The following PTPRG variants were observed in gnomAD, a reference collection of about 807,000 sequenced individuals.
PTPRG encodes receptor-type tyrosine-protein phosphatase gamma.
In PTPRG, 102 loss-of-function variants were observed where a neutral mutation model predicts 165.3. That is an observed-to-expected ratio of 0.62 (90% confidence interval 0.53 to 0.73). PTPRG has a LOEUF of 0.73. Among genes scored for constraint, PTPRG ranks in the 30% least tolerant of loss-of-function variants. PTPRG has a pLI of 0.00. For missense variants in PTPRG, 1,866 were observed against 1,861.4 expected (o/e 1.00, Z -0.05); for synonymous variants, 675 against 669.5 (o/e 1.01, Z -0.13).
chr3:61,706,373 T>C (rs557247868), intron 1 of PTPRG, among the ~76,000 whole-genome samples: 11 of 151,692 alleles, frequency 7.3e-5, no homozygotes, highest in East Asian at 1.9e-4. Context: ...TAAAGGAAGC[T>C]GTATTTTTTT....
chr3:61,705,232 G>A (rs941193916), intron 1 of PTPRG, among the ~76,000 whole-genome samples: 4 of 152,200 alleles, frequency 2.6e-5, no homozygotes, highest in African/African-American at 4.8e-5. Context: ...AGATGCCTGC[G>A]CTGGGTGTGA....
intron 2 of PTPRG, among the ~76,000 whole-genome samples, chr3:61,848,869 A>T (rs1270654491): frequency 6.6e-6 from 1 of 152,236 alleles, no homozygotes; most frequent in Non-Finnish European, 1.5e-5. Flanking sequence ...AATCTCATAA[A>T]GAGGCAGGTA....
intron 2 of PTPRG, among the ~76,000 whole-genome samples, chr3:61,790,990 C>T (rs2034852580): frequency 1.3e-5 from 2 of 152,084 alleles, no homozygotes; most frequent in African/African-American, 2.4e-5. Flanking sequence ...CAGTCAGCAC[C>T]TCCTTTTTCC....
intron 1 of PTPRG, among the ~76,000 whole-genome samples, chr3:61,606,841 A>G (rs1370091054): frequency 6.6e-6 from 1 of 152,214 alleles, no homozygotes; most frequent in African/African-American, 2.4e-5. Context: ...AAGGGCCCTA[A>G]CTATTATTAC....
At chr3:61,876,954 A>T (rs1442541192) in intron 2 of PTPRG, among the ~76,000 whole-genome samples, 1 of 152,080 alleles carries the variant, frequency 6.6e-6, no homozygotes, top group Non-Finnish European at 1.5e-5. Context: ...AAAGTGTTGA[A>T]CATTCTCGTT....
rs1029838995 is a variant in PTPRG at position 61,621,566 on chromosome 3, TTCTC to T, written c.85+59200_85+59203del. Reference sequence around the variant, plus strand: ...TTTGTTTTTTTCGCTTCCTCCCTCTTTCTCTCTCTGTCTTCCTTAACTCCTTCAC... The same window carrying T: ...TTTGTTTTTTTCGCTTCCTCCCTCTTTCTCTGTCTTCCTTAACTCCTTCAC... On this transcript the variant is annotated intron_variant, in intron 1 of 29. Coordinates refer to ENST00000474889, the MANE Select transcript of PTPRG (RefSeq NM_002841.4). Among the ~76,000 whole-genome samples the T allele has an allele frequency of 5.9e-5, 9 of 152,294 alleles. No homozygotes were observed. The South Asian group carries it at 1.7e-3, about 28-fold the overall frequency.
intron 4 of PTPRG, among the ~76,000 whole-genome samples, chr3:62,058,215 G>A (rs1324935699): frequency 6.6e-6 from 1 of 152,182 alleles, no homozygotes; most frequent in Non-Finnish European, 1.5e-5. Context: ...TTTATTGTCT[G>A]ATGTCTAATA....
At chr3:61,911,261 A>G (rs1016669292) in intron 2 of PTPRG, among the ~76,000 whole-genome samples, 2 of 152,358 alleles carry the variant, frequency 1.3e-5, no homozygotes, top group Non-Finnish European at 2.9e-5. Flanking sequence ...TCATGAGGTC[A>G]GTACCTGTGC....
intron 17 of PTPRG, among the ~76,000 whole-genome samples, chr3:62,265,896 TAC>T (rs143246257): frequency 0.037 from 4,780 of 130,572 alleles, 112 homozygotes; most frequent in East Asian, 0.054. Flanking sequence ...GTGCCTTATA[TAC>T]ACACACACAC....
intron 2 of PTPRG, among the ~76,000 whole-genome samples, chr3:61,923,692 ATTTTT>A (rs71123241): frequency 2.0e-5 from 2 of 100,850 alleles, no homozygotes; most frequent in Admixed American, 1.1e-4. Context: ...TATTTTTTGT[ATTTTT>A]TTTTTTTTTT....
chr3:62,168,602 C>T (rs1705089926), intron 8 of PTPRG, among the ~76,000 whole-genome samples: 1 of 152,164 alleles, frequency 6.6e-6, no homozygotes, highest in Non-Finnish European at 1.5e-5. Context: ...CCATTCGCTG[C>T]TCAGACACAT....
At chr3:62,265,884 CTGTGCCTTAT>C (rs1701852501) in intron 17 of PTPRG, among the ~76,000 whole-genome samples, 1 of 111,850 alleles carries the variant, frequency 8.9e-6, no homozygotes, top group African/African-American at 3.4e-5. Context: ...ACGTATACAT[CTGTGCCTTAT>C]ATACACACAC....
At chr3:62,074,932 A>G (rs767012278) in intron 4 of PTPRG, among the ~76,000 whole-genome samples, 3 of 152,190 alleles carry the variant, frequency 2.0e-5, no homozygotes, top group Non-Finnish European at 4.4e-5. Context: ...AGTATGTTTC[A>G]ATTCACGCAT....
chr3:61,589,434 T>C (rs993656166), intron 1 of PTPRG, among the ~76,000 whole-genome samples: 4 of 152,224 alleles, frequency 2.6e-5, no homozygotes, highest in Admixed American at 6.5e-5. Flanking sequence ...TACAAGGGTC[T>C]TCTCAGATAT....
At chr3:61,564,390 T>C (rs1250946350) in intron 1 of PTPRG, among the ~76,000 whole-genome samples, 1 of 152,200 alleles carries the variant, frequency 6.6e-6, no homozygotes, top group Non-Finnish European at 1.5e-5. Flanking sequence ...ACCGTGGTTT[T>C]CTTTTCCCTG....
chr3:62,104,862 G>A (rs1702418118), intron 5 of PTPRG, among the ~76,000 whole-genome samples: 1 of 151,946 alleles, frequency 6.6e-6, no homozygotes, highest in Admixed American at 6.6e-5. Context: ...CATTATGCTG[G>A]GATTATTGCA....
intron 1 of PTPRG, among the ~76,000 whole-genome samples, chr3:61,711,893 CTTTTTTTT>C (rs34377397): frequency 1.5e-5 from 2 of 136,016 alleles, no homozygotes; most frequent in East Asian, 2.3e-4. Flanking sequence ...TTATTATAGT[CTTTTTTTT>C]TTTTTTTTTG....
chr3:61,813,212 A>G (rs2035641710), intron 2 of PTPRG, among the ~76,000 whole-genome samples: 1 of 150,864 alleles, frequency 6.6e-6, no homozygotes, highest in South Asian at 2.1e-4. Flanking sequence ...CTTTGTGGGT[A>G]TGGCTGGGCA....
At chr3:61,836,910 GA>G (rs971818642) in intron 2 of PTPRG, among the ~76,000 whole-genome samples, 2 of 146,350 alleles carry the variant, frequency 1.4e-5, no homozygotes, top group African/African-American at 5.1e-5. Flanking sequence ...AGGCCTGGCT[GA>G]TTTTTTTTTT....
Sources: gnomAD v4.1 joint callset for allele counts (sites outside exome capture counted in the v4.1 genomes callset) on GRCh38, gnomAD v4.1.1 for gene constraint, MANE v1.5 for transcripts, NCBI Gene and HGNC (gene_info 2026-07-23, HGNC 2026-07-21) for gene names.